KATNIP: variants seen among roughly 807,000 people sequenced by gnomAD.
KATNIP encodes katanin interacting protein, also known as katanin-interacting protein.
A neutral mutation model predicts 174.0 loss-of-function variants in KATNIP; 126 were observed. That is an observed-to-expected ratio of 0.72 (90% CI 0.63 to 0.84). The LOEUF (loss-of-function observed/expected upper bound fraction) is 0.84, where lower values mean the gene tolerates loss of function less well. KATNIP is among the 40% of genes least tolerant of loss of function. The pLI, the probability that KATNIP is intolerant of heterozygous loss-of-function variation, is 0.00. For missense variants in KATNIP, 1,958 were observed against 2,109.7 expected, an observed-to-expected ratio of 0.93 and a Z score of 1.41; for synonymous variants, 810 against 835.7, an observed-to-expected ratio of 0.97 and a Z score of 0.53.
chr16:27,724,800 C>A (rs1359294863), intron 14 of KATNIP, among the ~76,000 whole-genome samples: 1 of 152,158 alleles, frequency 6.6e-6, no homozygotes, highest in Admixed American at 6.5e-5. Context: ...TATAGCTCGG[C>A]CTGGTAGACA....
rs1046058402 is a variant in KATNIP, at chr16:27,568,895, C to T, written c.8-5006C>T. 1.2e-4 allele frequency among the ~76,000 whole-genome samples: 19 copies of T among 152,176 alleles called. No individual in the cohort carries two copies. In the East Asian group the frequency reaches 2.5e-3, roughly 20 times the overall value. On this transcript the variant is annotated intron_variant, in intron 1 of 27. Coordinates refer to ENST00000261588, the MANE Select transcript of KATNIP (RefSeq NM_015202.5). ...TTCATGCCAAGACTGAGCATTTTACCAGACTCGATGGGAGTGAGGGTCTAA... is the reference window on the plus strand; with the variant it reads ...TTCATGCCAAGACTGAGCATTTTACTAGACTCGATGGGAGTGAGGGTCTAA...
chr16:27,658,013 T>C (rs1456926542), intron 6 of KATNIP, among the ~76,000 whole-genome samples: 4 of 152,214 alleles, frequency 2.6e-5, no homozygotes, highest in Non-Finnish European at 4.4e-5. Context: ...TGGGGGAAAC[T>C]GGGTGAAGGG....
At chr16:27,661,317 C>T (rs1485717739) in intron 6 of KATNIP, among the ~76,000 whole-genome samples, 3 of 152,194 alleles carry the variant, frequency 2.0e-5, no homozygotes, top group South Asian at 2.1e-4. Flanking sequence ...GGACTGTCAT[C>T]GTGTAGAAAT....
intron 5 of KATNIP, chr16:27,643,348 T>A (rs1031317248): frequency 6.6e-6 from 1 of 152,208 alleles, no homozygotes; most frequent in Admixed American, 6.6e-5. Context: ...CCCAACACTT[T>A]GGGAGGCCAA....
intron 13 of KATNIP, among the ~76,000 whole-genome samples, chr16:27,715,944 A>G (rs1168591728): frequency 1.3e-5 from 2 of 151,666 alleles, no homozygotes; most frequent in Non-Finnish European, 2.9e-5. Flanking sequence ...TCCTAGGTGC[A>G]TACCCAGGAT....
intron 4 of KATNIP, among the ~76,000 whole-genome samples, chr16:27,629,103 G>T (rs1055788929): frequency 6.6e-6 from 1 of 151,524 alleles, no homozygotes; most frequent in African/African-American, 2.4e-5. Flanking sequence ...GGGAGGCGGA[G>T]GTTGCAGTGA....
chr16:27,552,849 C>G (rs2089448945), intron 1 of KATNIP, among the ~76,000 whole-genome samples: 1 of 152,122 alleles, frequency 6.6e-6, no homozygotes, highest in Non-Finnish European at 1.5e-5. Context: ...CATGTGCCAC[C>G]ACGCTCAGCT....
Position 27,749,634 on chromosome 16 carries a change from C to G in KATNIP, c.2674C>G (p.Gln892Glu). The change falls in exon 16 of 28, where the codon CAG (glutamine) becomes GAG (glutamate). Residue 892 changes from glutamine to glutamate, a missense_variant. Gln to Glu is a conservative substitution (Grantham distance 29). Transcript: ENST00000261588. ...TPSRSRWRSE[Q>E]EHTLHESWSS... The stretch of plus-strand genomic sequence containing the variant: ...GTCACGGTCAAGGTGGCGCAGTGAG[C>G]AGGAGCACACACTTCACGAGTCATG... 1 of 1,576,876 alleles carries G rather than the reference C, an allele frequency of 6.3e-7. No individual in the cohort carries two copies. The highest frequency in any genetic ancestry group is 8.6e-7 in the Non-Finnish European group (1 of 1,162,724).
intron 21 of KATNIP, among the ~76,000 whole-genome samples, chr16:27,771,048 T>C (rs1567428870): frequency 6.6e-6 from 1 of 152,280 alleles, no homozygotes; most frequent in East Asian, 1.9e-4. Context: ...TGCCTCCTCC[T>C]GGAGGCCTTC....
intron 19 of KATNIP, among the ~76,000 whole-genome samples, chr16:27,765,226 G>T (rs1438737172): frequency 6.6e-6 from 1 of 152,218 alleles, no homozygotes; most frequent in Non-Finnish European, 1.5e-5. Context: ...AGACACGTGG[G>T]CCAGAGCCAC....
At chr16:27,604,062 A>G (rs748524221) in intron 2 of KATNIP, among the ~76,000 whole-genome samples, 1 of 152,050 alleles carries the variant, frequency 6.6e-6, no homozygotes, top group Non-Finnish European at 1.5e-5. Flanking sequence ...TATTCTCCAT[A>G]GCACTTATTG....
chr16:27,599,967 C>T (rs1432951766), intron 2 of KATNIP, among the ~76,000 whole-genome samples: 5 of 152,202 alleles, frequency 3.3e-5, no homozygotes, highest in Admixed American at 3.3e-4. Context: ...CCCATTCATC[C>T]TTCAGGTTTT....
At chr16:27,770,055 G>A (rs768465637) in intron 21 of KATNIP, 37 bp downstream of exon 21, 22 of 1,597,862 alleles carry the variant, frequency 1.4e-5, no homozygotes, top group Middle Eastern at 1.8e-4. Context: ...AGCCCCTCCC[G>A]GCCCCTGGGC....
chr16:27,559,788 C>T (rs1251414396), intron 1 of KATNIP, among the ~76,000 whole-genome samples: 2 of 151,936 alleles, frequency 1.3e-5, no homozygotes, highest in African/African-American at 4.8e-5. Context: ...TGAGAACAGC[C>T]TGGCCAACAT....
At chr16:27,715,737 G>T (rs1008327554) in intron 13 of KATNIP, among the ~76,000 whole-genome samples, 1 of 152,218 alleles carries the variant, frequency 6.6e-6, no homozygotes, top group South Asian at 2.1e-4. Flanking sequence ...ACCGCAATGA[G>T]ATATCACTTC....
chr16:27,666,941 T>C (rs911936263), intron 6 of KATNIP, among the ~76,000 whole-genome samples: 2 of 152,182 alleles, frequency 1.3e-5, no homozygotes, highest in African/African-American at 2.4e-5. Context: ...TGCCAGATTG[T>C]AGATTCCGTA....
At chr16:27,684,593 C>T (rs935855793) in intron 8 of KATNIP, among the ~76,000 whole-genome samples, 4 of 152,230 alleles carry the variant, frequency 2.6e-5, no homozygotes, top group African/African-American at 9.6e-5. Flanking sequence ...CGAAGTACCA[C>T]AATCAGAGTG....
chr16:27,554,943 G>A lies in KATNIP; in HGVS notation c.7+4766G>A, dbSNP rs528877552. ...TGAGTAGCTGGGATTACAGGTGCAC[G>A]CCACCACGCCTGGCTAACTTTTTTG... is the stretch of plus-strand genomic sequence containing the variant. On this transcript the variant is annotated intron_variant, in intron 1 of 27. Coordinates refer to ENST00000261588, the MANE Select transcript of KATNIP (RefSeq NM_015202.5). 3.3e-4 allele frequency among the ~76,000 whole-genome samples: 50 copies of A among 151,914 alleles called. 1 individual carries two copies. Among genetic ancestry groups the A allele is most frequent in the Admixed American group, 7.2e-4 (11 of 15,260 alleles).
At chr16:27,732,065 T>C (rs2080714704) in intron 14 of KATNIP, among the ~76,000 whole-genome samples, 1 of 152,262 alleles carries the variant, frequency 6.6e-6, no homozygotes, top group Non-Finnish European at 1.5e-5. Flanking sequence ...CACTTTGTTA[T>C]GTGAAAGCTC....
Sources: allele counts gnomAD v4.1 joint callset (sites outside exome capture counted in the v4.1 genomes callset), GRCh38; gene constraint gnomAD v4.1.1; transcripts MANE v1.5; gene names NCBI Gene and HGNC (gene_info 2026-07-23, HGNC 2026-07-21).